Variants in SHISA9 observed in about 807,000 individuals in gnomAD.
The protein encoded by SHISA9 is protein shisa-9.
Under a neutral mutation model 38.0 loss-of-function variants are expected in SHISA9, and 13 were observed. That is an observed-to-expected ratio of 0.34 (90% CI 0.22 to 0.54). The LOEUF (loss-of-function observed/expected upper bound fraction) is 0.54, where lower values mean the gene tolerates loss of function less well. Among genes scored for constraint, SHISA9 ranks in the 20% least tolerant of loss-of-function variants. SHISA9 has a pLI of 0.91. For missense variants in SHISA9, 538 were observed against 575.8 expected (o/e 0.93, Z 0.67); for synonymous variants, 275 against 242.0 (o/e 1.14, Z -1.27).
chr16:13,383,916 A>T, the SHISA9 span, among the ~76,000 whole-genome samples: 2 of 152,102 alleles, frequency 1.3e-5, no homozygotes, highest in Non-Finnish European at 2.9e-5. Flanking sequence ...CGGCCTCCCA[A>T]AGTGCTAGGA....
At chr16:13,363,162 T>C in the SHISA9 span, among the ~76,000 whole-genome samples, 3 of 152,328 alleles carry the variant, frequency 2.0e-5, no homozygotes, top group East Asian at 5.8e-4. Flanking sequence ...TAAACAAGCA[T>C]TGAAAACAAC....
chr16:13,514,901 C>T, the SHISA9 span, among the ~76,000 whole-genome samples: 1 of 152,016 alleles, frequency 6.6e-6, no homozygotes, highest in Non-Finnish European at 1.5e-5. Flanking sequence ...AAAAAATACA[C>T]ATTATGTAAA....
the SHISA9 span, among the ~76,000 whole-genome samples, chr16:13,556,710 C>T: frequency 1.3e-5 from 2 of 151,978 alleles, no homozygotes; most frequent in Non-Finnish European, 2.9e-5. Context: ...CTCAGCCCTC[C>T]ATATCTGTGG....
At chr16:12,939,424 T>G (rs1327536489) in intron 2 of SHISA9, among the ~76,000 whole-genome samples, 2 of 152,174 alleles carry the variant, frequency 1.3e-5, no homozygotes, top group Non-Finnish European at 2.9e-5. Flanking sequence ...TGGCCCATAC[T>G]TTTCCTCCCA....
intron 2 of SHISA9, among the ~76,000 whole-genome samples, chr16:13,113,233 A>AAG (rs2073997389): frequency 6.7e-6 from 1 of 149,080 alleles, no homozygotes; most frequent in Non-Finnish European, 1.5e-5. Flanking sequence ...AAAAAAAAAA[A>AAG]TTGAGAACAT....
At chr16:13,354,645 G>T in the SHISA9 span, among the ~76,000 whole-genome samples, 2 of 149,802 alleles carry the variant, frequency 1.3e-5, no homozygotes, top group Non-Finnish European at 3.0e-5. Flanking sequence ...TTAAAGCAGC[G>T]GCAGCCGCTG....
At chr16:13,482,634 T>C in the SHISA9 span, among the ~76,000 whole-genome samples, 1 of 151,768 alleles carries the variant, frequency 6.6e-6, no homozygotes, top group Non-Finnish European at 1.5e-5. Context: ...ACCCCATCTC[T>C]ACAGAAAAGT....
the SHISA9 span, among the ~76,000 whole-genome samples, chr16:13,500,208 T>C: frequency 6.6e-6 from 1 of 152,152 alleles, no homozygotes; most frequent in Non-Finnish European, 1.5e-5. Context: ...CTTCCCCCTT[T>C]GCTGCTCACT....
At chr16:13,268,502 T>TCGGTCTCAGAAAACAAA in the SHISA9 span, among the ~76,000 whole-genome samples, 1 of 150,424 alleles carries the variant, frequency 6.6e-6, no homozygotes, top group Admixed American at 6.6e-5. Flanking sequence ...AAAGCAAAAC[T>TCGGTCTCAGAAAACAAA]CGGTCTCAGA....
the SHISA9 span, among the ~76,000 whole-genome samples, chr16:13,528,977 A>G: frequency 1.3e-5 from 2 of 152,182 alleles, no homozygotes; most frequent in Non-Finnish European, 2.9e-5. Context: ...AGTTTTGTAA[A>G]TAAAATATAA....
the SHISA9 span, among the ~76,000 whole-genome samples, chr16:13,385,132 A>C: frequency 6.6e-6 from 1 of 152,354 alleles, no homozygotes; most frequent in African/African-American, 2.4e-5. Flanking sequence ...GAATCGTTAA[A>C]ATAAAAAGTA....
chr16:13,437,686 C>T, the SHISA9 span, among the ~76,000 whole-genome samples: 1 of 152,054 alleles, frequency 6.6e-6, no homozygotes, highest in Non-Finnish European at 1.5e-5. Flanking sequence ...TTCTGGGGGC[C>T]CAGAGCATTT....
At chr16:13,337,482 C>A in the SHISA9 span, among the ~76,000 whole-genome samples, 1 of 152,134 alleles carries the variant, frequency 6.6e-6, no homozygotes, top group Non-Finnish European at 1.5e-5. Context: ...TGCCCAGTCT[C>A]TGGTAATGTC....
At position 13,208,432 on chromosome 16, in the gene SHISA9, T is replaced by TC. The variant is rs2051086782; in HGVS notation, c.848-4820dup. On this transcript the variant is annotated intron_variant, in intron 3 of 4. Transcript: ENST00000558583. ...AAAGAGACCTCTTTTCCTTTCTTTT[T>TC]CTTTTTTTTTCTTTTTTTTTTTTTT... is the stretch of plus-strand genomic sequence containing the variant. Among the ~76,000 whole-genome samples the TC allele has an allele frequency of 3.5e-5, 3 of 85,362 alleles. No homozygotes were observed. In the South Asian group the frequency reaches 1.0e-3, roughly 30 times the overall value. 56.0% of individuals were successfully genotyped at this position (85,362 alleles called of 152,430 possible).
At chr16:13,008,863 T>C (rs1447170174) in intron 2 of SHISA9, among the ~76,000 whole-genome samples, 1 of 152,106 alleles carries the variant, frequency 6.6e-6, no homozygotes, top group African/African-American at 2.4e-5. Context: ...AACAGACTAA[T>C]ACAGTGCCTT....
chr16:12,963,628 C>G (rs1019008121), intron 2 of SHISA9, among the ~76,000 whole-genome samples: 1 of 152,188 alleles, frequency 6.6e-6, no homozygotes, highest in Non-Finnish European at 1.5e-5. Context: ...GAGGTAGCTA[C>G]TATTAGTTCT....
At chr16:13,296,050 A>C in the SHISA9 span, among the ~76,000 whole-genome samples, 1 of 152,160 alleles carries the variant, frequency 6.6e-6, no homozygotes, top group African/African-American at 2.4e-5. Context: ...AGTGTCTCTT[A>C]ATCCAAGTCC....
the SHISA9 span, among the ~76,000 whole-genome samples, chr16:13,245,683 T>G: frequency 4.6e-5 from 7 of 152,208 alleles, no homozygotes; most frequent in African/African-American, 1.4e-4. Flanking sequence ...GCAGAGCTGA[T>G]TGAAACCTGG....
chr16:13,559,662 C>T, the SHISA9 span, among the ~76,000 whole-genome samples: 2 of 152,182 alleles, frequency 1.3e-5, no homozygotes, highest in African/African-American at 2.4e-5. Flanking sequence ...GGATTGCAGG[C>T]ATGAGCCACC....
Sources: gnomAD v4.1 joint callset for allele counts (sites outside exome capture counted in the v4.1 genomes callset) on GRCh38, gnomAD v4.1.1 for gene constraint, MANE v1.5 for transcripts, NCBI Gene and HGNC (gene_info 2026-07-23, HGNC 2026-07-21) for gene names.